The following CABP1 variants were observed in gnomAD, a reference collection of about 807,000 sequenced individuals.
The protein encoded by CABP1 is calcium binding protein 1, also known as calcium-binding protein 1.
A neutral mutation model predicts 34.3 loss-of-function variants in CABP1; 17 were observed. The ratio of observed to expected loss-of-function variants is 0.50; its 90% CI spans 0.34 to 0.74. The LOEUF is 0.74. Among genes scored for constraint, CABP1 ranks in the 30% least tolerant of loss-of-function variants. The pLI is 0.01. For synonymous variants in CABP1, 198 were observed against 229.2 expected, an observed-to-expected ratio of 0.86 and a Z score of 1.23; for missense variants, 373 against 511.1, an observed-to-expected ratio of 0.73 and a Z score of 2.61.
In CABP1 at chr12:120,641,730, G is replaced by GGA. The variant is rs1879340127; in HGVS notation, c.654+395_654+396dup. 1 of 182,122 alleles carries GGA rather than the reference G, an allele frequency of 5.5e-6. No individual in the cohort carries two copies. The highest frequency in any genetic ancestry group is 1.1e-5 in the Non-Finnish European group (1 of 88,284). The allele number at this position is 182,122 out of a possible 1,614,324, so 11.3% of individuals were successfully genotyped here. ...GCCAGTACCGCCAGGGAGGGACTCAGGAGAGCAAGCGGTTTGGAGTCTGGG... is the reference window on the plus strand; with the variant it reads ...GCCAGTACCGCCAGGGAGGGACTCAGGAGAGAGCAAGCGGTTTGGAGTCTGGG... On this transcript the variant is annotated intron_variant, in intron 1 of 5. Coordinates refer to ENST00000316803, the MANE Select transcript of CABP1 (RefSeq NM_001033677.2). The surrounding 1 kb of genome is among the most constrained non-coding windows in gnomAD (Gnocchi z 6.7).
Position 120,640,993 on chromosome 12 carries a change from G to C in CABP1, c.308G>C (p.Gly103Ala), listed in dbSNP as rs1489374077. ...DPGLPSRRLPGSCPATPQSSG... is the reference protein window; with the variant it reads ...DPGLPSRRLPASCPATPQSSG... ...GGGCTGCCTAGCCGCCGGCTACCCGGCTCCTGCCCGGCGACGCCGCAGTCG... is the reference window on the plus strand; with the variant it reads ...GGGCTGCCTAGCCGCCGGCTACCCGCCTCCTGCCCGGCGACGCCGCAGTCG... The change falls in exon 1 of 6, where the codon GGC (glycine) becomes GCC (alanine). Residue 103 changes from glycine (G) to alanine (A), a missense_variant. Coordinates refer to ENST00000316803, the MANE Select transcript of CABP1 (RefSeq NM_001033677.2). The surrounding 1 kb of genome is among the most constrained non-coding windows in gnomAD (Gnocchi z 6.2). The C allele has an allele frequency of 1.7e-6, 2 of 1,159,576 alleles. No individual in the cohort carries two copies. Among genetic ancestry groups the C allele is most frequent in the Non-Finnish European group, 2.1e-6 (2 of 941,916 alleles). The allele number at this position is 1,159,576 out of a possible 1,614,324, so 71.8% of individuals were successfully genotyped here. A position where few individuals can be genotyped will look rare whatever the true frequency, so the allele number is the denominator to read the frequency against.
At chr12:120,649,797 G>A (rs916424116) in intron 1 of CABP1, among the ~76,000 whole-genome samples, 8 of 152,062 alleles carry the variant, frequency 5.3e-5, no homozygotes, top group African/African-American at 1.7e-4. Flanking sequence ...GCCGGCCCCC[G>A]AGCCTCGTCC....
At chr12:120,663,330 A>G (rs563618364) in intron 5 of CABP1, among the ~76,000 whole-genome samples, 1 of 152,266 alleles carries the variant, frequency 6.6e-6, no homozygotes, top group East Asian at 1.9e-4. Flanking sequence ...GCTGGAGTGC[A>G]GTGGCGTAAT....
chr12:120,665,303 G>A (rs1261258577), intron 5 of CABP1, among the ~76,000 whole-genome samples: 1 of 152,050 alleles, frequency 6.6e-6, no homozygotes, highest in African/African-American at 2.4e-5. Flanking sequence ...GCGCATGCCT[G>A]TAGTCCCAGC....
At chr12:120,670,399 A>G (rs1352624360), downstream of CABP1, among the ~76,000 whole-genome samples, 1 of 152,232 alleles carries the variant, frequency 6.6e-6, no homozygotes, top group Non-Finnish European at 1.5e-5. Flanking sequence ...TCTTTCTGCA[A>G]CCTGCACCAC....
chr12:120,654,084 CTGAG>C (rs1880016571), intron 1 of CABP1, among the ~76,000 whole-genome samples: 1 of 152,218 alleles, frequency 6.6e-6, no homozygotes, highest in Admixed American at 6.5e-5. Context: ...TCCCAGAAGT[CTGAG>C]TGAGTGAAGC....
At chr12:120,655,977 G>A (rs759802299) in intron 1 of CABP1, 23 of 1,556,126 alleles carry the variant, frequency 1.5e-5, no homozygotes, top group Admixed American at 3.9e-5. Flanking sequence ...TCTGAACCCC[G>A]CTCCTTGACT....
At chr12:120,658,650 C>T (rs78791955) in intron 1 of CABP1, among the ~76,000 whole-genome samples, 38 of 152,168 alleles carry the variant, frequency 2.5e-4, no homozygotes, top group Non-Finnish European at 3.8e-4. Context: ...CTGGTGTTGT[C>T]GTCTTTTGTC....
rs1329728054 is a variant in CABP1 at position 120,661,696 on chromosome 12, T to C, written c.1087+478T>C. The C allele has an allele frequency of 6.3e-6, 1 of 158,306 alleles. No homozygotes were observed. The highest frequency in any genetic ancestry group is 1.4e-5 in the Non-Finnish European group (1 of 71,402). 9.8% of individuals were successfully genotyped at this position (158,306 alleles called of 1,614,324 possible). ...ATCTATCCATCCATCCATCCATCCATCCACCTATCCATCCATCTGTCCATC... is the reference window on the plus strand; with the variant it reads ...ATCTATCCATCCATCCATCCATCCACCCACCTATCCATCCATCTGTCCATC... On this transcript the variant is annotated intron_variant, in intron 5 of 5. Coordinates refer to ENST00000316803, the MANE Select transcript of CABP1 (RefSeq NM_001033677.2). This position sits in a 1 kb window ranked among gnomAD's most constrained non-coding sequence, Gnocchi z 5.1.
In CABP1 at chr12:120,641,368, C is replaced by T. The variant is rs750670504; in HGVS notation, c.654+29C>T. ...AGGGCCGCGCCTCCCGTCAGCGCTC[C>T]CGGGAAAGGCGCTCGGGACCCTGCC... is the stretch of plus-strand genomic sequence containing the variant. On this transcript the variant is annotated intron_variant, in intron 1 of 5. Coordinates refer to ENST00000316803, the MANE Select transcript of CABP1 (RefSeq NM_001033677.2). This position sits in a 1 kb window ranked among gnomAD's most constrained non-coding sequence, Gnocchi z 6.7. 2.9e-5 allele frequency: 37 copies of T among 1,256,690 alleles called. No individual in the cohort carries two copies. Among genetic ancestry groups the T allele is most frequent in the Non-Finnish European group, 3.7e-5 (37 of 1,000,294 alleles). 77.8% of individuals were successfully genotyped at this position (1,256,690 alleles called of 1,614,324 possible).
intron 5 of CABP1, among the ~76,000 whole-genome samples, chr12:120,663,839 G>T (rs1024605404): frequency 6.6e-6 from 1 of 152,208 alleles, no homozygotes; most frequent in Non-Finnish European, 1.5e-5. Context: ...ACAGCAGAAT[G>T]CAGTCTTGTG....
At chr12:120,669,233 C>T (rs978827261), downstream of CABP1, among the ~76,000 whole-genome samples, 2 of 152,222 alleles carry the variant, frequency 1.3e-5, no homozygotes, top group African/African-American at 4.8e-5. Context: ...GTAATCCTCA[C>T]GTTCCCGAGG....
the CABP1 span, among the ~76,000 whole-genome samples, chr12:120,677,032 G>C: frequency 6.6e-6 from 1 of 152,002 alleles, no homozygotes; most frequent in Non-Finnish European, 1.5e-5. Context: ...GTGCAGCCTG[G>C]GCAACATAGT....
chr12:120,649,155 G>A (rs1343508304), intron 1 of CABP1, among the ~76,000 whole-genome samples: 1 of 152,042 alleles, frequency 6.6e-6, no homozygotes, highest in African/African-American at 2.4e-5. Context: ...CAGCAGCACC[G>A]GGGAGGTCCA....
At chr12:120,654,519 A>G (rs1260709671) in intron 1 of CABP1, among the ~76,000 whole-genome samples, 2 of 152,226 alleles carry the variant, frequency 1.3e-5, no homozygotes, top group Non-Finnish European at 2.9e-5. Flanking sequence ...ATGGAAGGAT[A>G]GGGTGCGCAG....
chr12:120,644,175 T>C (rs566705871), intron 1 of CABP1, among the ~76,000 whole-genome samples: 1 of 152,356 alleles, frequency 6.6e-6, no homozygotes, highest in South Asian at 2.1e-4. Flanking sequence ...TCTCTGGTCT[T>C]GGTTTCTTCA....
Position 120,660,451 on chromosome 12 carries a change from T to G in CABP1, c.829+112T>G. The G allele has an allele frequency of 3.3e-6, 4 of 1,220,444 alleles. No individual in the cohort carries two copies. The highest frequency in any genetic ancestry group is 4.5e-6 in the Non-Finnish European group (4 of 880,376). The allele number at this position is 1,220,444 out of a possible 1,614,324, so 75.6% of individuals were successfully genotyped here. On this transcript the variant is annotated intron_variant, in intron 3 of 5. Coordinates refer to ENST00000316803, the MANE Select transcript of CABP1 (RefSeq NM_001033677.2). This position sits in a 1 kb window ranked among gnomAD's most constrained non-coding sequence, Gnocchi z 5.0. ...CATCCACCTCTTACCAGCTCTGTGA[T>G]CTGGGGCCAACCACTTACCCTCTCT...
the CABP1 span, among the ~76,000 whole-genome samples, chr12:120,676,358 C>T: frequency 6.6e-6 from 1 of 152,018 alleles, no homozygotes; most frequent in Non-Finnish European, 1.5e-5. Context: ...CTATAGGACT[C>T]GTTACCTCCC....
the CABP1 span, among the ~76,000 whole-genome samples, chr12:120,679,055 A>AGAGT: frequency 7.2e-6 from 1 of 138,258 alleles, no homozygotes. Context: ...CCTGGGTGAC[A>AGAGT]GAGTGAGACA....
Sources: gnomAD v4.1 joint callset for allele counts (sites outside exome capture counted in the v4.1 genomes callset) on GRCh38, gnomAD v4.1.1 for gene constraint, Gnocchi (gnomAD v3.1) non-coding constraint, MANE v1.5 for transcripts, NCBI Gene and HGNC (gene_info 2026-07-23, HGNC 2026-07-21) for gene names.